RIMBP2: variants seen among roughly 807,000 people sequenced by gnomAD.
The protein encoded by RIMBP2 is RIMS-binding protein 2.
In RIMBP2, 48 loss-of-function variants were observed where a neutral mutation model predicts 118.6. The ratio of observed to expected loss-of-function variants is 0.40; its 90% confidence interval spans 0.32 to 0.51. RIMBP2 has a LOEUF of 0.51. Among genes scored for constraint, RIMBP2 ranks in the 20% least tolerant of loss-of-function variants. RIMBP2 has a pLI of 0.41. For missense variants in RIMBP2, 1,551 were observed against 1,768.3 expected (o/e 0.88, Z 2.20); for synonymous variants, 762 against 742.9 (o/e 1.03, Z -0.42).
Position 130,504,896 on chromosome 12 carries a change from A to G in RIMBP2, c.-4+1752T>C, listed in dbSNP as rs1485865197. Reference sequence around the variant, plus strand: ...TCAAACGTGTCCTCAGACATTGCCAAATATCCCCTGGAGGGCAAGTTGGCC... The same window carrying G: ...TCAAACGTGTCCTCAGACATTGCCAGATATCCCCTGGAGGGCAAGTTGGCC... On this transcript the variant is annotated intron_variant, in intron 4 of 22. Transcript: ENST00000690449. Among the ~76,000 whole-genome samples, 3 of 152,200 alleles carry G rather than the reference A, an allele frequency of 2.0e-5. 1 individual carries two copies. The highest frequency in any genetic ancestry group is 4.4e-5 in the Non-Finnish European group (3 of 68,036).
At chr12:130,428,424 G>C in intron 14 of RIMBP2, 87 bp from the exon 15 acceptor site, 1 of 1,413,426 alleles carries the variant, frequency 7.1e-7, no homozygotes, top group Non-Finnish European at 9.6e-7. Flanking sequence ...CCCTTTCCCT[G>C]CTTCGCTGAC....
At chr12:130,640,886 G>A (rs990149519) in intron 1 of RIMBP2, among the ~76,000 whole-genome samples, 5 of 152,178 alleles carry the variant, frequency 3.3e-5, no homozygotes, top group African/African-American at 9.7e-5. Context: ...TTTCAGATGT[G>A]AAAGAAAAGC....
At chr12:130,697,174 C>T (rs150713822) in intron 1 of RIMBP2, among the ~76,000 whole-genome samples, 111 of 152,262 alleles carry the variant, frequency 7.3e-4, no homozygotes, top group African/African-American at 2.3e-3. Flanking sequence ...CAATACCGGA[C>T]GAAAGCCATC....
At chr12:130,466,100 G>T (rs2080455730) in intron 6 of RIMBP2, 1 of 152,230 alleles carries the variant, frequency 6.6e-6, no homozygotes, top group Admixed American at 6.5e-5. Context: ...GCATTATCTT[G>T]TGGATGTCTC....
At chr12:130,672,240 G>A (rs990791075) in intron 1 of RIMBP2, among the ~76,000 whole-genome samples, 2 of 152,196 alleles carry the variant, frequency 1.3e-5, no homozygotes, top group African/African-American at 4.8e-5. Context: ...CACAGATGGA[G>A]ACAAAGATAA....
chr12:130,497,231 G>C (rs959004602), intron 4 of RIMBP2, among the ~76,000 whole-genome samples: 1 of 152,098 alleles, frequency 6.6e-6, no homozygotes, highest in African/African-American at 2.4e-5. Flanking sequence ...TAGGCCCCGC[G>C]CCCCAGTTCT....
At chr12:130,491,716 G>C (rs7316767) in intron 4 of RIMBP2, among the ~76,000 whole-genome samples, 11,727 of 152,242 alleles carry the variant, frequency 0.077, 572 homozygotes, top group East Asian at 0.18. Context: ...CCCTGACACC[G>C]GGCTTCCGCC....
At chr12:130,708,415 T>G (rs1031978937) in intron 1 of RIMBP2, among the ~76,000 whole-genome samples, 1 of 152,194 alleles carries the variant, frequency 6.6e-6, no homozygotes, top group Non-Finnish European at 1.5e-5. Flanking sequence ...AAGCTGGGCA[T>G]GGTGGCTCGT....
At chr12:130,711,788 G>A (rs1339601083) in intron 1 of RIMBP2, among the ~76,000 whole-genome samples, 1 of 152,228 alleles carries the variant, frequency 6.6e-6, no homozygotes, top group Non-Finnish European at 1.5e-5. Context: ...TGCTTAACAA[G>A]GATGCGTTCG....
intron 5 of RIMBP2, among the ~76,000 whole-genome samples, chr12:130,477,114 C>T (rs915050544): frequency 2.0e-5 from 3 of 152,218 alleles, no homozygotes; most frequent in African/African-American, 7.2e-5. Context: ...CCTCGCCCCA[C>T]TAGTGAAGCA....
intron 2 of RIMBP2, among the ~76,000 whole-genome samples, chr12:130,587,065 AAC>A (rs1453070178): frequency 2.2e-5 from 3 of 134,532 alleles, no homozygotes; most frequent in African/African-American, 5.8e-5. Context: ...GCAGCCAAAA[AAC>A]ACATGAAAAA....
intron 7 of RIMBP2, among the ~76,000 whole-genome samples, chr12:130,455,251 G>T (rs2079329278): frequency 6.6e-6 from 1 of 152,236 alleles, no homozygotes; most frequent in Non-Finnish European, 1.5e-5. Context: ...AGGTGTCACA[G>T]CTCAAATGTG....
intron 2 of RIMBP2, among the ~76,000 whole-genome samples, chr12:130,596,812 T>A (rs1449020210): frequency 1.3e-5 from 2 of 152,238 alleles, no homozygotes; most frequent in African/African-American, 4.8e-5. Context: ...CCAAACCGTA[T>A]ATCTGAACTA....
chr12:130,656,069 G>A (rs1386512445), intron 1 of RIMBP2, among the ~76,000 whole-genome samples: 5 of 152,198 alleles, frequency 3.3e-5, no homozygotes, highest in Non-Finnish European at 2.9e-5. Context: ...CTGGGGACAC[G>A]GTGGAGGGTG....
intron 2 of RIMBP2, among the ~76,000 whole-genome samples, chr12:130,615,272 C>CATATATAT (rs1555309104): frequency 4.1e-4 from 16 of 38,804 alleles, no homozygotes; most frequent in Non-Finnish European, 6.5e-4. Context: ...ACATAATACA[C>CATATATAT]ATACATATAT....
intron 1 of RIMBP2, among the ~76,000 whole-genome samples, chr12:130,714,996 C>T (rs1192570747): frequency 6.6e-6 from 1 of 152,218 alleles, no homozygotes; most frequent in African/African-American, 2.4e-5. Flanking sequence ...CAGCTCCCCT[C>T]CCCTGCCCAC....
chr12:130,699,413 T>TTCATC (rs1292706470), intron 1 of RIMBP2, among the ~76,000 whole-genome samples: 1 of 151,840 alleles, frequency 6.6e-6, no homozygotes, highest in Non-Finnish European at 1.5e-5. Context: ...AAATGATGAG[T>TTCATC]TCATGTCCTT....
chr12:130,538,611 G>A (rs936492742), intron 2 of RIMBP2, among the ~76,000 whole-genome samples: 6 of 152,096 alleles, frequency 3.9e-5, no homozygotes, highest in African/African-American at 1.4e-4. Context: ...GCACACTTCA[G>A]CTCTTGAACC....
At chr12:130,480,719 G>T (rs1250658315) in intron 4 of RIMBP2, among the ~76,000 whole-genome samples, 3 of 152,116 alleles carry the variant, frequency 2.0e-5, no homozygotes, top group Admixed American at 1.3e-4. Context: ...TCGTGCTTCA[G>T]CCTCCCTAGT....
Sources: gnomAD v4.1 joint callset for allele counts (sites outside exome capture counted in the v4.1 genomes callset) on GRCh38, gnomAD v4.1.1 for gene constraint, MANE v1.5 for transcripts, NCBI Gene and HGNC (gene_info 2026-07-23, HGNC 2026-07-21) for gene names.